Variants in MALSU1 observed in about 807,000 individuals in gnomAD.
The protein encoded by MALSU1 is mitochondrial assembly of ribosomal large subunit protein 1.
A neutral mutation model predicts 22.1 loss-of-function variants in MALSU1; 22 were observed. The ratio of observed to expected loss-of-function variants is 1.00; its 90% CI spans 0.71 to 1.42. The LOEUF (loss-of-function observed/expected upper bound fraction) is 1.42, where lower values mean the gene tolerates loss of function less well. Ranked by LOEUF, MALSU1 falls within the 40% of genes most tolerant of loss-of-function variation. The probability of loss-of-function intolerance (pLI) is 0.00; values close to 1 mark genes in which losing one functional copy is unlikely to be tolerated. For missense variants in MALSU1, 379 were observed against 308.3 expected (o/e 1.23, Z -1.72); for synonymous variants, 153 against 118.5 (o/e 1.29, Z -1.89).
Position 23,311,510 on chromosome 7 carries a change from AAAG to A in MALSU1, c.*1970_*1972del, listed in dbSNP as rs1211510904. 6.6e-6 allele frequency: 1 copy of A among 152,436 alleles called. No homozygotes were observed. Among genetic ancestry groups the A allele is most frequent in the African/African-American group, 2.4e-5 (1 of 41,444 alleles). 9.4% of individuals were successfully genotyped at this position (152,436 alleles called of 1,614,324 possible). ...TCAAAAACTTTCCCAACTATAAATGAAAGAATAAATGGTAGTGCTGCTCTCCAG... is the reference window on the plus strand; with the variant it reads ...TCAAAAACTTTCCCAACTATAAATGAAATAAATGGTAGTGCTGCTCTCCAG... On this transcript the variant is annotated 3_prime_UTR_variant, in exon 4 of 4. Transcript: ENST00000466681.
chr7:23,304,077 G>A (rs1783693191), intron 2 of MALSU1, among the ~76,000 whole-genome samples: 1 of 151,736 alleles, frequency 6.6e-6, no homozygotes, highest in Non-Finnish European at 1.5e-5. Flanking sequence ...CTGCTCTCCA[G>A]CCTGGGCAAC....
At chr7:23,306,309 GTGC>G (rs1783721803) in intron 2 of MALSU1, among the ~76,000 whole-genome samples, 2 of 152,208 alleles carry the variant, frequency 1.3e-5, no homozygotes, top group Admixed American at 1.3e-4. Flanking sequence ...GGATTTTTGT[GTGC>G]TGAATTTGTT....
At chr7:23,303,554 T>C (rs138343543) in intron 2 of MALSU1, among the ~76,000 whole-genome samples, 4,235 of 152,234 alleles carry the variant, frequency 0.028, 185 homozygotes, top group African/African-American at 0.096. Context: ...CCCAGCATTT[T>C]GAGAGGCCAA....
At chr7:23,304,619 C>G (rs1783700932) in intron 2 of MALSU1, among the ~76,000 whole-genome samples, 1 of 152,182 alleles carries the variant, frequency 6.6e-6, no homozygotes, top group African/African-American at 2.4e-5. Context: ...CTCACCTCAG[C>G]CTCCCAAGTT....
chr7:23,307,281 TC>T (rs1328459697), intron 2 of MALSU1, among the ~76,000 whole-genome samples: 1 of 152,260 alleles, frequency 6.6e-6, no homozygotes, highest in East Asian at 1.9e-4. Context: ...TTTGTCTTTT[TC>T]CTGCCCTAAT....
At chr7:23,305,933 G>A (rs1026248371) in intron 2 of MALSU1, among the ~76,000 whole-genome samples, 4 of 152,160 alleles carry the variant, frequency 2.6e-5, no homozygotes, top group African/African-American at 9.7e-5. Flanking sequence ...GGTGGCTGAT[G>A]TCTGTAATCC....
In MALSU1 at chr7:23,300,922, G is replaced by A. The variant is rs371507714; in HGVS notation, c.340G>A (p.Val114Ile). The change falls in exon 2 of 4, where the codon GTT (valine) becomes ATT (isoleucine). Residue 114 changes from valine to isoleucine, a missense_variant. By Grantham distance (29) the Val-to-Ile change is conservative. Coordinates refer to ENST00000466681, the MANE Select transcript of MALSU1 (RefSeq NM_138446.2). ...ENARDICVIQ[V>I]PPEMRYTDYF... is the part of the protein sequence containing the mutation. ...TGCAAGAGACATTTGTGTGATCCAG[G>A]TTCCTCCAGAAATGAGATATACAGA... The A allele has an allele frequency of 5.6e-6, 9 of 1,614,010 alleles. No homozygotes were observed. The highest frequency in any genetic ancestry group is 1.3e-5 in the African/African-American group (1 of 75,012).
At position 23,309,502 on chromosome 7, in the gene MALSU1, G is replaced by A. The variant is rs1192095817; in HGVS notation, c.664G>A (p.Asp222Asn). The A allele has an allele frequency of 6.2e-7, 1 of 1,611,160 alleles. No homozygotes were observed. Among genetic ancestry groups the A allele is most frequent in the African/African-American group, 1.3e-5 (1 of 74,808 alleles). The stretch of plus-strand genomic sequence containing the variant: ...AGACTTCATTCTTGGAATAGAAGAT[G>A]ATACTTCATCTGTGACTCCAGTGGA... Reference protein sequence around the residue: ...PEDFILGIEDDTSSVTPVELK... With the variant: ...PEDFILGIEDNTSSVTPVELK... Residue 222 changes from aspartate to asparagine, a missense_variant, in exon 4 of 4, where the codon GAT (aspartate) becomes AAT (asparagine). Coordinates refer to ENST00000466681, the MANE Select transcript of MALSU1 (RefSeq NM_138446.2).
rs181999516 is a variant in MALSU1, at chr7:23,300,978, C to T, written c.396C>T (p.Thr132=). 2.5e-6 allele frequency: 4 copies of T among 1,613,804 alleles called. No individual in the cohort carries two copies. In the South Asian group the frequency reaches 3.3e-5, roughly 13 times the overall value. Residue 132 remains threonine, a synonymous_variant, in exon 2 of 4, where the codon ACC becomes ACT. Transcript: ENST00000466681. The part of the protein sequence containing the change: ...DYFVIVSGTS[T]RHLHAMAFYV... ...TTGTGATTGTTAGTGGAACTTCTAC[C>T]CGACACTTACATGCCATGGCCTTCT...
chr7:23,306,651 G>T (rs1783726378), intron 2 of MALSU1, among the ~76,000 whole-genome samples: 1 of 152,124 alleles, frequency 6.6e-6, no homozygotes, highest in South Asian at 2.1e-4. Context: ...AAAGGGTATT[G>T]AATTTTGTTA....
At chr7:23,304,192 T>A (rs1480510212) in intron 2 of MALSU1, among the ~76,000 whole-genome samples, 2 of 152,188 alleles carry the variant, frequency 1.3e-5, no homozygotes, top group African/African-American at 4.8e-5. Flanking sequence ...ATATAGTGAT[T>A]CTGTTTTTAA....
intron 2 of MALSU1, among the ~76,000 whole-genome samples, chr7:23,306,485 T>C (rs1448840523): frequency 3.3e-5 from 5 of 151,992 alleles, no homozygotes; most frequent in Non-Finnish European, 7.4e-5. Context: ...CTGTGTTGAA[T>C]AGAAGTAGCA....
At chr7:23,304,575 C>G (rs1006343324) in intron 2 of MALSU1, among the ~76,000 whole-genome samples, 1 of 152,226 alleles carries the variant, frequency 6.6e-6, no homozygotes, top group Non-Finnish European at 1.5e-5. Context: ...TCATAGCTCA[C>G]TGCAGCCTGG....
In MALSU1 at chr7:23,310,965, C is replaced by T. The variant is rs766719941; in HGVS notation, c.*1422C>T. 5.3e-5 allele frequency: 8 copies of T among 152,020 alleles called. No individual in the cohort carries two copies. Among genetic ancestry groups the T allele is most frequent in the Non-Finnish European group, 1.0e-4 (7 of 68,006 alleles). The allele number at this position is 152,020 out of a possible 1,614,324, so 9.4% of individuals were successfully genotyped here. A position where few individuals can be genotyped will look rare whatever the true frequency, so the allele number is the denominator to read the frequency against. ...CTGTCAAGGAGTGAGCAAATGAGTT[C>T]GTTATCAAAGGTCATATGTTTTCAC... On this transcript the variant is annotated 3_prime_UTR_variant, in exon 4 of 4. Transcript: ENST00000466681.
At chr7:23,303,615 G>A (rs893090823) in intron 2 of MALSU1, among the ~76,000 whole-genome samples, 1 of 151,914 alleles carries the variant, frequency 6.6e-6, no homozygotes, top group Non-Finnish European at 1.5e-5. Flanking sequence ...TGGGCAACAT[G>A]GTGAAACTCC....
chr7:23,307,786 A>AAAC, intron 2 of MALSU1, 82 bp from the exon 3 acceptor site: 6 of 848,234 alleles, frequency 7.1e-6, no homozygotes, highest in African/African-American at 3.9e-5. Flanking sequence ...AAACAAACAA[A>AAAC]CAAACAAAAA....
intron 2 of MALSU1, chr7:23,307,630 T>G: frequency 2.5e-6 from 1 of 404,390 alleles, no homozygotes; most frequent in Non-Finnish European, 4.4e-6. Flanking sequence ...GGTGAATGAA[T>G]GGGGTGACCC....
intron 3 of MALSU1, 99 bp downstream of exon 3, chr7:23,308,048 A>AT (rs1783746859): frequency 1.1e-6 from 1 of 950,144 alleles, no homozygotes; most frequent in South Asian, 1.4e-5. Flanking sequence ...TGATGAATGT[A>AT]TTTCCAGGTA....
At chr7:23,300,388 G>A (rs915193242) in intron 1 of MALSU1, among the ~76,000 whole-genome samples, 3 of 152,118 alleles carry the variant, frequency 2.0e-5, no homozygotes, top group Non-Finnish European at 2.9e-5. Flanking sequence ...GAAGGTTGTG[G>A]ACCAGATACT....
Sources: allele counts gnomAD v4.1 joint callset (sites outside exome capture counted in the v4.1 genomes callset), GRCh38; gene constraint gnomAD v4.1.1; transcripts MANE v1.5; gene names NCBI Gene and HGNC (gene_info 2026-07-23, HGNC 2026-07-21).